ACACA: variants seen among roughly 807,000 people sequenced by gnomAD.
The protein encoded by ACACA is acetyl-CoA carboxylase 1.
ACACA carries 103 observed loss-of-function variants against 296.1 expected under a neutral mutation model. That is an observed-to-expected ratio of 0.35 (90% CI 0.30 to 0.41). The LOEUF (loss-of-function observed/expected upper bound fraction) is 0.41. ACACA is among the 10% of genes least tolerant of loss of function. The pLI is 1.00. For missense variants in ACACA, 1,554 were observed against 2,989.7 expected (o/e 0.52, Z 11.20); for synonymous variants, 953 against 1,038.6 (o/e 0.92, Z 1.58).
At position 37,240,476 on chromosome 17, in the gene ACACA, C is replaced by T. The variant is rs1371530497; in HGVS notation, c.3121G>A (p.Gly1041Ser). The T allele has an allele frequency of 2.5e-6, 4 of 1,613,330 alleles. No homozygotes were observed. Among genetic ancestry groups the T allele is most frequent in the African/African-American group, 2.7e-5 (2 of 74,910 alleles). ...AGAGAGTCCTCAGGAAGAGGCTTAC[C>T]ATTCTGGAATTGTGTCTCTACTCGC... ...YLRVETQFQNGHYDKCVFALR... is the reference protein window; with the variant it reads ...YLRVETQFQNSHYDKCVFALR... The change falls in exon 24 of 56, where the codon GGT (glycine) becomes AGT (serine). Residue 1041 changes from glycine (G) to serine (S), a missense_variant and splice_region_variant. By Grantham distance (56) the Gly-to-Ser change is moderately conservative. This residue lies in a region of ACACA where 316 missense variants were observed against 540.9 expected (regional missense o/e 0.58). Transcript: ENST00000616317.
chr17:37,390,251 T>TATATATA (rs1437595349), intron 1 of ACACA, among the ~76,000 whole-genome samples: 1 of 32,952 alleles, frequency 3.0e-5, no homozygotes, highest in African/African-American at 2.5e-4. Flanking sequence ...ATTATATATA[T>TATATATA]ATTATATATA....
rs78812671 is a variant in ACACA at position 37,279,865 on chromosome 17, A to T, written c.611-1860T>A. On this transcript the variant is annotated intron_variant, in intron 5 of 55. Transcript: ENST00000616317. ...TGCTTTACTGTACATAAATATATATATTTTTGGTATATATATGTTTAATAT... is the reference window on the plus strand; with the variant it reads ...TGCTTTACTGTACATAAATATATATTTTTTTGGTATATATATGTTTAATAT... Among the ~76,000 whole-genome samples the T allele has an allele frequency of 9.3e-4, 141 of 152,102 alleles. 1 individual carries two copies. The highest frequency in any genetic ancestry group is 3.2e-3 in the African/African-American group (134 of 41,498).
intron 25 of ACACA, among the ~76,000 whole-genome samples, chr17:37,229,416 G>A (rs1354282077): frequency 6.6e-6 from 1 of 151,646 alleles, no homozygotes; most frequent in Non-Finnish European, 1.5e-5. Flanking sequence ...CCATTCTCCT[G>A]CCTCAGCCTC....
intron 30 of ACACA, 89 bp downstream of exon 30, chr17:37,210,378 C>T: frequency 8.3e-7 from 1 of 1,202,998 alleles, no homozygotes; most frequent in Non-Finnish European, 1.2e-6. Flanking sequence ...ATTATCTTGT[C>T]AAGTGTTGTG....
intron 30 of ACACA, among the ~76,000 whole-genome samples, chr17:37,210,210 C>A (rs192004449): frequency 2.0e-5 from 3 of 152,060 alleles, no homozygotes; most frequent in Non-Finnish European, 4.4e-5. Flanking sequence ...GCAGATAAAC[C>A]CCCTATCATA....
chr17:37,359,382 G>A (rs1295504137), intron 1 of ACACA, among the ~76,000 whole-genome samples: 1 of 151,868 alleles, frequency 6.6e-6, no homozygotes, highest in African/African-American at 2.4e-5. Context: ...GCGCGGATCT[G>A]CCATTCGGGG....
In ACACA at chr17:37,087,030, T is replaced by C. The variant is rs1324145349; in HGVS notation, c.*286A>G. ...TTGGTTAGTAAGACCTCATGGTACATGTTTGTACCTTTCATTGCCTTCTCA... is the reference window on the plus strand; with the variant it reads ...TTGGTTAGTAAGACCTCATGGTACACGTTTGTACCTTTCATTGCCTTCTCA... On this transcript the variant is annotated 3_prime_UTR_variant, in exon 56 of 56. Coordinates refer to ENST00000616317, the MANE Select transcript of ACACA (RefSeq NM_198834.3). 1.9e-6 allele frequency: 1 copy of C among 513,454 alleles called. No individual in the cohort carries two copies. Among genetic ancestry groups the C allele is most frequent in the Non-Finnish European group, 3.6e-6 (1 of 281,592 alleles). The allele number at this position is 513,454 out of a possible 1,614,324, so 31.8% of individuals were successfully genotyped here. A position where few individuals can be genotyped will look rare whatever the true frequency, so the allele number is the denominator to read the frequency against.
At chr17:37,244,236 C>T (rs945871024) in intron 21 of ACACA, among the ~76,000 whole-genome samples, 9 of 151,668 alleles carry the variant, frequency 5.9e-5, no homozygotes, top group Non-Finnish European at 8.8e-5. Flanking sequence ...CCTGGTGGCA[C>T]GTGCCTACAA....
intron 45 of ACACA, among the ~76,000 whole-genome samples, chr17:37,146,462 A>G (rs1191160981): frequency 6.6e-6 from 1 of 151,942 alleles, no homozygotes; most frequent in East Asian, 1.9e-4. Flanking sequence ...AGGAAGGGGA[A>G]AAGCAGGGAG....
chr17:37,101,789 GT>G (rs1217434118), intron 52 of ACACA, among the ~76,000 whole-genome samples: 1 of 152,184 alleles, frequency 6.6e-6, no homozygotes, highest in Non-Finnish European at 1.5e-5. Context: ...AGATTTAAGA[GT>G]TGTGTCTCTT....
intron 45 of ACACA, among the ~76,000 whole-genome samples, chr17:37,145,528 C>T (rs372761155): frequency 3.9e-5 from 6 of 152,140 alleles, no homozygotes; most frequent in African/African-American, 9.7e-5. Context: ...GGAAAACGAC[C>T]GGACCACCTT....
chr17:37,140,038 G>T (rs1158532190), intron 45 of ACACA, among the ~76,000 whole-genome samples: 4 of 152,158 alleles, frequency 2.6e-5, no homozygotes, highest in African/African-American at 4.8e-5. Context: ...ATATAAAAAA[G>T]AATTCACAGA....
intron 35 of ACACA, among the ~76,000 whole-genome samples, chr17:37,198,187 G>A (rs1283687950): frequency 6.6e-6 from 1 of 152,290 alleles, no homozygotes; most frequent in East Asian, 1.9e-4. Context: ...TTACATATAT[G>A]AGAAAATGTC....
At chr17:37,147,894 T>C (rs1055825180) in intron 45 of ACACA, among the ~76,000 whole-genome samples, 1 of 152,192 alleles carries the variant, frequency 6.6e-6, no homozygotes, top group Non-Finnish European at 1.5e-5. Flanking sequence ...CAATCTCTAA[T>C]GTTTCTTCAT....
chr17:37,322,332 G>A (rs544922193), intron 3 of ACACA, among the ~76,000 whole-genome samples: 11 of 152,244 alleles, frequency 7.2e-5, no homozygotes, highest in African/African-American at 2.4e-4. Context: ...AGATAAAGTT[G>A]TTAACCAAAC....
At chr17:37,391,674 A>G in intron 1 of ACACA, 1 of 1,613,980 alleles carries the variant, frequency 6.2e-7, no homozygotes, top group Non-Finnish European at 8.5e-7. Context: ...CAATTCATCA[A>G]ACCCAAAGAA....
intron 1 of ACACA, chr17:37,388,771 G>A (rs775920808): frequency 6.2e-7 from 1 of 1,613,162 alleles, no homozygotes; most frequent in Non-Finnish European, 8.5e-7. Context: ...TATAGTATTT[G>A]TAATTTTTGA....
intron 29 of ACACA, 36 bp from the exon 30 acceptor site, chr17:37,210,526 T>A (rs1036783730): frequency 6.3e-7 from 1 of 1,597,736 alleles, no homozygotes; most frequent in Non-Finnish European, 8.6e-7. Context: ...TACTGATAAG[T>A]TAGTGAAAGC....
chr17:37,106,051 T>C (rs1161337784), intron 52 of ACACA, among the ~76,000 whole-genome samples: 2 of 152,070 alleles, frequency 1.3e-5, no homozygotes, highest in Admixed American at 1.3e-4. Context: ...TGGAATCTTA[T>C]TAAGATTCAG....
Sources: allele counts gnomAD v4.1 joint callset (sites outside exome capture counted in the v4.1 genomes callset), GRCh38; gene constraint gnomAD v4.1.1; regional missense constraint gnomAD v4.1.1; transcripts MANE v1.5; gene names NCBI Gene and HGNC (gene_info 2026-07-23, HGNC 2026-07-21).